LEMD3: variants seen among roughly 807,000 people sequenced by gnomAD.
LEMD3 encodes the protein inner nuclear membrane protein Man1.
A neutral mutation model predicts 95.2 loss-of-function variants in LEMD3; 33 were observed. The observed-to-expected ratio is 0.35, with a 90% CI of 0.26 to 0.46. The LOEUF (loss-of-function observed/expected upper bound fraction) is 0.46. Among genes scored for constraint, LEMD3 ranks in the 20% least tolerant of loss-of-function variants. LEMD3 has a pLI of 1.00. For synonymous variants in LEMD3, 525 were observed against 474.6 expected, an observed-to-expected ratio of 1.11 and a Z score of -1.38; for missense variants, 1,210 against 1,192.8, an observed-to-expected ratio of 1.01 and a Z score of -0.21.
intron 1 of LEMD3, among the ~76,000 whole-genome samples, chr12:65,195,582 A>G (rs2136327315): frequency 6.6e-6 from 1 of 152,140 alleles, no homozygotes; most frequent in East Asian, 1.9e-4. Flanking sequence ...CTCTTAGGTT[A>G]GACTAGGTAG....
rs1042013399 is a variant in LEMD3 at position 65,170,958 on chromosome 12, C to T, written c.1362C>T (p.Leu454=). ...TTTCCGAACCCGAAGAGGAACTTCTCCAGCAATTTAAACGGGAGGAGGTGT... is the reference window on the plus strand; with the variant it reads ...TTTCCGAACCCGAAGAGGAACTTCTTCAGCAATTTAAACGGGAGGAGGTGT... ...PKLSEPEEEL[L]QQFKREEVSP... is the part of the protein sequence containing the mutation. The change falls in exon 1 of 13, where the codon CTC becomes CTT. Residue 454 remains leucine (L), a synonymous_variant. Coordinates refer to ENST00000308330, the MANE Select transcript of LEMD3 (RefSeq NM_014319.5). 1 of 1,614,196 alleles carries T rather than the reference C, an allele frequency of 6.2e-7. No individual in the cohort carries two copies. Among genetic ancestry groups the T allele is most frequent in the Non-Finnish European group, 8.5e-7 (1 of 1,180,042 alleles).
chr12:65,246,624 C>A lies in LEMD3; in HGVS notation c.*299C>A. 1 of 358,688 alleles carries A rather than the reference C, an allele frequency of 2.8e-6. No homozygotes were observed. Among genetic ancestry groups the A allele is most frequent in the Non-Finnish European group, 5.2e-6 (1 of 192,496 alleles). The allele number at this position is 358,688 out of a possible 1,614,324, so 22.2% of individuals were successfully genotyped here. A position where few individuals can be genotyped will look rare whatever the true frequency, so the allele number is the denominator to read the frequency against. On this transcript the variant is annotated 3_prime_UTR_variant, in exon 13 of 13. Transcript: ENST00000308330. ...AGATGTGGTGGTTGTATTTTTGCCCCAAGAAGTGTTTGGATAACCACACAA... is the reference window on the plus strand; with the variant it reads ...AGATGTGGTGGTTGTATTTTTGCCCAAAGAAGTGTTTGGATAACCACACAA...
intron 1 of LEMD3, among the ~76,000 whole-genome samples, chr12:65,209,444 G>GT (rs1047781704): frequency 5.9e-5 from 9 of 151,912 alleles, no homozygotes; most frequent in Non-Finnish European, 1.2e-4. Flanking sequence ...ATTGTCATTT[G>GT]TTTGGCCAAA....
chr12:65,226,533 G>A (rs1428798775), intron 4 of LEMD3, among the ~76,000 whole-genome samples: 1 of 152,126 alleles, frequency 6.6e-6, no homozygotes, highest in South Asian at 2.1e-4. Flanking sequence ...ATGTTTTAAG[G>A]CTTTCAGCAA....
chr12:65,171,930 TC>T (rs1378310306), intron 1 of LEMD3: 2 of 152,262 alleles, frequency 1.3e-5, no homozygotes, highest in Admixed American at 6.5e-5. Flanking sequence ...TTATTTTTTT[TC>T]CTTTTTTAAA....
intron 1 of LEMD3, among the ~76,000 whole-genome samples, chr12:65,176,460 TC>T (rs949162563): frequency 6.6e-6 from 1 of 152,234 alleles, no homozygotes; most frequent in African/African-American, 2.4e-5. Context: ...TATCTCTGAC[TC>T]TCCATCTTTT....
chr12:65,238,710 C>T lies in LEMD3; in HGVS notation c.1817C>T (p.Thr606Ile). The change falls in exon 6 of 13, where the codon ACT (threonine) becomes ATT (isoleucine). Residue 606 changes from threonine to isoleucine, a missense_variant. Thr to Ile is a moderately conservative substitution (Grantham distance 89). Around this residue, in one of 2 missense-constraint regions of LEMD3, gnomAD observed 461 missense variants for 569.8 expected, o/e 0.81. Transcript: ENST00000308330. ...FGPEEELTNI[T>I]DVQFLQSTRP... ...CCTGAGGAAGAATTGACAAATATAA[C>T]TGATGTGCAGTTTTTACAGTCCACA... 6.2e-7 allele frequency: 1 copy of T among 1,614,002 alleles called. No individual in the cohort carries two copies.
Position 65,169,587 on chromosome 12 carries a change from T to C in LEMD3, c.-10T>C, listed in dbSNP as rs776776070. The C allele has an allele frequency of 7.6e-6, 12 of 1,587,440 alleles. No individual in the cohort carries two copies. The East Asian group carries it at 2.3e-4, about 30-fold the overall frequency. On this transcript the variant is annotated 5_prime_UTR_variant, in exon 1 of 13. Coordinates refer to ENST00000308330, the MANE Select transcript of LEMD3 (RefSeq NM_014319.5). ...GTAGCGCGGAGCTTGTAAAACACCC[T>C]GGAGAGAAAATGGCGGCGGCAGCAG... is the stretch of plus-strand genomic sequence containing the variant.
At position 65,238,762 on chromosome 12, in the gene LEMD3, T is replaced by C; in HGVS notation, c.1869T>C (p.Arg623=). The change falls in exon 6 of 13, where the codon CGT becomes CGC. Residue 623 remains arginine (R), a synonymous_variant. Coordinates refer to ENST00000308330, the MANE Select transcript of LEMD3 (RefSeq NM_014319.5). ...GACCACTGATGTCTTTTTGGTGTCGTTTTCGACGTGCTTTTGTTACTGTAA... is the reference window on the plus strand; with the variant it reads ...GACCACTGATGTCTTTTTGGTGTCGCTTTCGACGTGCTTTTGTTACTGTAA... The part of the protein sequence containing the change: ...STRPLMSFWC[R]FRRAFVTVTH... 6.2e-7 allele frequency: 1 copy of C among 1,614,108 alleles called. No individual in the cohort carries two copies. The highest frequency in any genetic ancestry group is 8.5e-7 in the Non-Finnish European group (1 of 1,179,986).
At chr12:65,183,417 A>G (rs1868965211) in intron 1 of LEMD3, among the ~76,000 whole-genome samples, 1 of 152,178 alleles carries the variant, frequency 6.6e-6, no homozygotes, top group Non-Finnish European at 1.5e-5. Flanking sequence ...GCTCTGAGTT[A>G]TGGAGTTATA....
chr12:65,210,689 T>C (rs1869909839), intron 1 of LEMD3, among the ~76,000 whole-genome samples: 1 of 152,202 alleles, frequency 6.6e-6, no homozygotes. Flanking sequence ...GCTTCTGTGA[T>C]ACCAGAGCAC....
At chr12:65,214,125 C>T (rs1312763997) in intron 2 of LEMD3, among the ~76,000 whole-genome samples, 2 of 152,038 alleles carry the variant, frequency 1.3e-5, no homozygotes, top group African/African-American at 2.4e-5. Flanking sequence ...AGTACAGTGG[C>T]ATGACCTCCG....
At position 65,171,368 on chromosome 12, in the gene LEMD3, A is replaced by G; in HGVS notation, c.1522+250A>G. On this transcript the variant is annotated intron_variant, in intron 1 of 12. Transcript: ENST00000308330. The stretch of plus-strand genomic sequence containing the variant: ...AAAACAATTTTTAAAAGAATATTAT[A>G]AGCTTGTTAGTAAAACTCATTTGTA... 3.8e-6 allele frequency: 2 copies of G among 524,146 alleles called. 1 individual carries two copies. The highest frequency in any genetic ancestry group is 4.2e-5 in the South Asian group (2 of 48,100). 32.5% of individuals were successfully genotyped at this position (524,146 alleles called of 1,614,324 possible).
intron 2 of LEMD3, among the ~76,000 whole-genome samples, chr12:65,215,745 A>G (rs1012252467): frequency 2.6e-5 from 4 of 152,158 alleles, no homozygotes; most frequent in African/African-American, 9.7e-5. Context: ...CACTAACCTT[A>G]TGCCAATTTT....
intron 1 of LEMD3, among the ~76,000 whole-genome samples, chr12:65,177,220 T>C (rs1314702466): frequency 1.3e-5 from 2 of 152,082 alleles, no homozygotes; most frequent in African/African-American, 4.8e-5. Flanking sequence ...AATTGGTCCT[T>C]TAAGAAGGAT....
Position 65,238,558 on chromosome 12 carries a change from A to G in LEMD3, c.1752A>G (p.Glu584=). The change falls in exon 5 of 13, where the codon GAA becomes GAG. Residue 584 remains glutamate (E), a synonymous_variant. Coordinates refer to ENST00000308330, the MANE Select transcript of LEMD3 (RefSeq NM_014319.5). ...ACACTTCATTGCAGTGGATCTTAGA[A>G]AATGGAAAAGATGTTGGAATAAGGT... is the stretch of plus-strand genomic sequence containing the variant. ...IFNTSLQWIL[E]NGKDVGIRCV... 2 of 1,612,608 alleles carry G rather than the reference A, an allele frequency of 1.2e-6. No homozygotes were observed. The highest frequency in any genetic ancestry group is 1.7e-6 in the Non-Finnish European group (2 of 1,178,654).
rs1320705631 is a variant in LEMD3, at chr12:65,169,703, G to T, written c.107G>T (p.Arg36Leu). ...LSPGPVTEST[R>L]PVYLKKLKKL... ...CCCGGACCAGTGACGGAGAGCACCC[G>T]CCCGGTCTACCTCAAGAAGCTGAAG... is the stretch of plus-strand genomic sequence containing the variant. Residue 36 changes from arginine to leucine, a missense_variant, in exon 1 of 13, where the codon CGC becomes CTC. Around this residue, in one of 2 missense-constraint regions of LEMD3, gnomAD observed 749 missense variants for 622.9 expected, o/e 1.20. Coordinates refer to ENST00000308330, the MANE Select transcript of LEMD3 (RefSeq NM_014319.5). 1 of 1,584,508 alleles carries T rather than the reference G, an allele frequency of 6.3e-7. No homozygotes were observed.
chr12:65,228,363 G>GTTT (rs796190519), intron 4 of LEMD3, among the ~76,000 whole-genome samples: 5,230 of 21,792 alleles, frequency 0.24, 308 homozygotes, highest in African/African-American at 0.41. Context: ...AGCTTTTTGT[G>GTTT]TTTTATTATT....
In LEMD3 at chr12:65,171,381, A is replaced by T. The variant is rs978109550; in HGVS notation, c.1522+263A>T. 1.9e-5 allele frequency: 9 copies of T among 473,610 alleles called. No homozygotes were observed. In the Admixed American group the frequency reaches 3.1e-4, roughly 16 times the overall value. 29.3% of individuals were successfully genotyped at this position (473,610 alleles called of 1,614,324 possible). ...AAAGAATATTATAAGCTTGTTAGTA[A>T]AACTCATTTGTATATGTGACAATTC... is the stretch of plus-strand genomic sequence containing the variant. On this transcript the variant is annotated intron_variant, in intron 1 of 12. Transcript: ENST00000308330.
Sources: gnomAD v4.1 joint callset for allele counts (sites outside exome capture counted in the v4.1 genomes callset) on GRCh38, gnomAD v4.1.1 for gene constraint, gnomAD v4.1.1 regional missense constraint, MANE v1.5 for transcripts, NCBI Gene and HGNC (gene_info 2026-07-23, HGNC 2026-07-21) for gene names.